SYN3: variants seen among roughly 807,000 people sequenced by gnomAD.
SYN3 encodes the protein synapsin III.
A neutral mutation model predicts 65.8 loss-of-function variants in SYN3; 35 were observed. That is an observed-to-expected ratio of 0.53 (90% CI 0.41 to 0.70). The LOEUF (loss-of-function observed/expected upper bound fraction) is 0.70. SYN3 is among the 30% of genes least tolerant of loss of function. SYN3 has a pLI of 0.00. For synonymous variants in SYN3, 270 were observed against 292.9 expected (o/e 0.92, Z 0.80); for missense variants, 680 against 749.0 (o/e 0.91, Z 1.08).
intron 6 of SYN3, among the ~76,000 whole-genome samples, chr22:32,745,617 A>G (rs948645059): frequency 2.0e-5 from 3 of 152,174 alleles, no homozygotes; most frequent in African/African-American, 7.2e-5. Context: ...TGGGTTAGTC[A>G]CAGCAAAGGT....
intron 6 of SYN3, among the ~76,000 whole-genome samples, chr22:32,830,865 A>G (rs2047552724): frequency 6.6e-6 from 1 of 152,134 alleles, no homozygotes; most frequent in South Asian, 2.1e-4. Flanking sequence ...CTTCGCTGGC[A>G]CGTAGCAAAA....
chr22:32,569,065 T>A (rs2058710129), intron 7 of SYN3, among the ~76,000 whole-genome samples: 1 of 152,174 alleles, frequency 6.6e-6, no homozygotes, highest in South Asian at 2.1e-4. Flanking sequence ...GTCAGGATGG[T>A]CTAGATTCAC....
rs541163632 is a variant in SYN3, at chr22:32,603,518, A to C, written c.712-6782T>G. ...CTGGGCGACAGAGCGAGACTCCGAG[A>C]CTCCGTCTCAAAAAAAAAGAAAAAA... On this transcript the variant is annotated intron_variant, in intron 6 of 13. Coordinates refer to ENST00000358763, the MANE Select transcript of SYN3 (RefSeq NM_003490.4). 8.2e-4 allele frequency among the ~76,000 whole-genome samples: 117 copies of C among 142,306 alleles called. 1 individual carries two copies. The highest frequency in any genetic ancestry group is 7.1e-3 in the Middle Eastern group (2 of 280). 93.4% of individuals were successfully genotyped at this position (142,306 alleles called of 152,430 possible).
intron 6 of SYN3, among the ~76,000 whole-genome samples, chr22:32,691,051 C>T (rs928629347): frequency 4.5e-4 from 68 of 152,134 alleles, no homozygotes; most frequent in African/African-American, 1.5e-3. Flanking sequence ...TGGAATAAGC[C>T]CCTCCTTTAA....
chr22:32,657,225 G>A (rs1257105476), intron 6 of SYN3, among the ~76,000 whole-genome samples: 5 of 151,978 alleles, frequency 3.3e-5, no homozygotes, highest in South Asian at 4.2e-4. Flanking sequence ...CCGGGTTCAC[G>A]CCATTCTCCT....
At chr22:32,906,990 T>C (rs1418524356) in intron 4 of SYN3, among the ~76,000 whole-genome samples, 4 of 152,226 alleles carry the variant, frequency 2.6e-5, no homozygotes, top group African/African-American at 9.6e-5. Flanking sequence ...GTCTTTATAA[T>C]AGAATGATTT....
chr22:32,820,775 T>C lies in SYN3; in HGVS notation c.711+44140A>G, dbSNP rs2047224624. On this transcript the variant is annotated intron_variant, in intron 6 of 13. Transcript: ENST00000358763. ...GATCACAGAAGCTTACTCATACCTA[T>C]TTGAAAGCCAAGTCAACAGATGTGG... Among the ~76,000 whole-genome samples the C allele has an allele frequency of 1.3e-5, 2 of 152,186 alleles. 1 individual carries two copies. Among genetic ancestry groups the C allele is most frequent in the South Asian group, 4.1e-4 (2 of 4,834 alleles).
intron 6 of SYN3, among the ~76,000 whole-genome samples, chr22:32,814,131 TGTGTGTGTGTGAGAGAGAGA>T (rs1326090372): frequency 7.4e-6 from 1 of 134,582 alleles, no homozygotes; most frequent in Admixed American, 8.0e-5. Context: ...TGTGTGTGTG[TGTGTGTGTGTGAGAGAGAGA>T]GAGAGAGAGA....
At chr22:33,031,792 G>A (rs2053759592) in intron 1 of SYN3, among the ~76,000 whole-genome samples, 1 of 152,004 alleles carries the variant, frequency 6.6e-6, no homozygotes, top group South Asian at 2.1e-4. Flanking sequence ...TCTTGGCCAA[G>A]AGGACCCCAG....
intron 4 of SYN3, among the ~76,000 whole-genome samples, chr22:32,881,445 A>G (rs2049133093): frequency 1.3e-5 from 2 of 152,200 alleles, no homozygotes; most frequent in Non-Finnish European, 2.9e-5. Context: ...CTCGCTCAGC[A>G]GGAAATATCT....
intron 6 of SYN3, among the ~76,000 whole-genome samples, chr22:32,663,307 CT>C (rs1555918916): frequency 1.4e-3 from 200 of 142,530 alleles, no homozygotes; most frequent in South Asian, 4.0e-3. Flanking sequence ...CTTTTCTTCT[CT>C]TTTTTTTTTT....
At chr22:32,817,445 C>T (rs2047117626) in intron 6 of SYN3, among the ~76,000 whole-genome samples, 1 of 152,142 alleles carries the variant, frequency 6.6e-6, no homozygotes. Context: ...ATTCTGAAAA[C>T]CCCTTTTGCC....
chr22:32,845,744 CACA>C (rs2048042569), intron 6 of SYN3, among the ~76,000 whole-genome samples: 2 of 152,148 alleles, frequency 1.3e-5, no homozygotes, highest in African/African-American at 4.8e-5. Flanking sequence ...TTCTAGCCAC[CACA>C]ACAAGGTGGA....
intron 6 of SYN3, among the ~76,000 whole-genome samples, chr22:32,820,152 G>A (rs975848437): frequency 1.3e-5 from 2 of 152,104 alleles, no homozygotes; most frequent in South Asian, 2.1e-4. Flanking sequence ...TATTCAGGCC[G>A]TCTCTGAGGC....
At chr22:32,789,076 G>A (rs564928657) in intron 6 of SYN3, among the ~76,000 whole-genome samples, 1 of 152,346 alleles carries the variant, frequency 6.6e-6, no homozygotes, top group Non-Finnish European at 1.5e-5. Context: ...CCAGGCCTCT[G>A]AGCCGCCTTC....
chr22:32,531,888 C>T (rs1485862743), intron 10 of SYN3, among the ~76,000 whole-genome samples: 6 of 111,366 alleles, frequency 5.4e-5, no homozygotes, highest in South Asian at 5.9e-4. Context: ...TTTTGAAGTC[C>T]GAGCCCACTA....
chr22:32,787,444 C>T (rs996177994), intron 6 of SYN3, among the ~76,000 whole-genome samples: 7 of 152,292 alleles, frequency 4.6e-5, no homozygotes, highest in African/African-American at 1.4e-4. Context: ...TCAGTGACAT[C>T]GCTTCCTATT....
At chr22:32,646,285 G>A (rs2059982838) in intron 6 of SYN3, among the ~76,000 whole-genome samples, 2 of 152,284 alleles carry the variant, frequency 1.3e-5, no homozygotes, top group African/African-American at 4.8e-5. Flanking sequence ...TCCTCCCACT[G>A]TCTTGGAACT....
At chr22:32,737,122 T>C (rs1285845792) in intron 6 of SYN3, among the ~76,000 whole-genome samples, 1 of 152,108 alleles carries the variant, frequency 6.6e-6, no homozygotes, top group Non-Finnish European at 1.5e-5. Context: ...GGAGCTGAGC[T>C]CCCAATCCAA....
Sources: allele counts gnomAD v4.1 joint callset (sites outside exome capture counted in the v4.1 genomes callset), GRCh38; gene constraint gnomAD v4.1.1; transcripts MANE v1.5; gene names NCBI Gene and HGNC (gene_info 2026-07-23, HGNC 2026-07-21).